Variants in VRK2 observed in about 807,000 individuals in gnomAD.
VRK2 encodes the protein VRK serine/threonine kinase 2.
A neutral mutation model predicts 57.6 loss-of-function variants in VRK2; 60 were observed. That is an observed-to-expected ratio of 1.04 (90% confidence interval 0.85 to 1.29). The LOEUF is 1.29. VRK2 is among the 50% of genes most tolerant of loss of function. The pLI is 0.00. For missense variants in VRK2, 705 were observed against 588.1 expected (o/e 1.20, Z -2.06); for synonymous variants, 231 against 199.2 (o/e 1.16, Z -1.35).
At chr2:57,937,390 TG>T (rs1670948791) in intron 1 of VRK2, among the ~76,000 whole-genome samples, 1 of 152,156 alleles carries the variant, frequency 6.6e-6, no homozygotes. Context: ...ACAAACAGAA[TG>T]AAACAAGAAA....
intron 1 of VRK2, among the ~76,000 whole-genome samples, chr2:57,977,860 G>C (rs1334562007): frequency 1.3e-5 from 2 of 151,108 alleles, no homozygotes; most frequent in African/African-American, 4.9e-5. Flanking sequence ...AGGTTTGTCA[G>C]AGATGGCTCT....
rs558145633 is a variant in VRK2, at chr2:58,116,576, C to G, written c.544-6525C>G. On this transcript the variant is annotated intron_variant, in intron 7 of 12. Coordinates refer to ENST00000340157, the MANE Select transcript of VRK2 (RefSeq NM_006296.7). Reference sequence around the variant, plus strand: ...AAGGTAATGTGGAGTGGGTAGCCTTCGTATTGATTAAGAAGGGGACGGACT... The same window carrying G: ...AAGGTAATGTGGAGTGGGTAGCCTTGGTATTGATTAAGAAGGGGACGGACT... Among the ~76,000 whole-genome samples the G allele has an allele frequency of 3.9e-5, 6 of 152,088 alleles. No individual in the cohort carries two copies. In the South Asian group the frequency reaches 8.3e-4, roughly 21 times the overall value.
At chr2:57,935,606 C>T (rs1670880108) in intron 1 of VRK2, among the ~76,000 whole-genome samples, 1 of 152,062 alleles carries the variant, frequency 6.6e-6, no homozygotes, top group Non-Finnish European at 1.5e-5. Context: ...GGGCCAGCTT[C>T]CTGGCAGAGT....
upstream of VRK2, among the ~76,000 whole-genome samples, chr2:58,044,968 T>C (rs1285371184): frequency 1.3e-5 from 2 of 152,188 alleles, no homozygotes; most frequent in African/African-American, 4.8e-5. Flanking sequence ...GGACAGCCTA[T>C]CTCTCAATCC....
chr2:57,960,489 AATTG>A (rs761997644), intron 1 of VRK2, among the ~76,000 whole-genome samples: 24 of 152,200 alleles, frequency 1.6e-4, no homozygotes, highest in Non-Finnish European at 2.8e-4. Context: ...CATTCACTTA[AATTG>A]ATTGTATCTA....
chr2:57,938,210 T>C (rs1447354380), intron 1 of VRK2, among the ~76,000 whole-genome samples: 1 of 152,230 alleles, frequency 6.6e-6, no homozygotes, highest in East Asian at 1.9e-4. Flanking sequence ...TTCTTTATCT[T>C]TCTCTAGACC....
intron 2 of VRK2, among the ~76,000 whole-genome samples, chr2:58,061,169 A>T (rs1322917826): frequency 6.6e-6 from 1 of 151,872 alleles, no homozygotes; most frequent in African/African-American, 2.4e-5. Context: ...AAATTGATGA[A>T]CTGTGGTTCA....
intron 12 of VRK2, among the ~76,000 whole-genome samples, chr2:58,148,922 A>C (rs998599109): frequency 6.6e-6 from 1 of 151,866 alleles, no homozygotes; most frequent in African/African-American, 2.4e-5. Flanking sequence ...TTCTGAAATT[A>C]GAATAGTTCT....
intron 1 of VRK2, among the ~76,000 whole-genome samples, chr2:57,985,365 T>C (rs999707732): frequency 6.6e-6 from 1 of 152,034 alleles, no homozygotes. Context: ...ACGTAAAGAT[T>C]TGACATATTT....
chr2:58,036,701 A>T (rs1245446177), intron 3 of VRK2, among the ~76,000 whole-genome samples: 1 of 152,012 alleles, frequency 6.6e-6, no homozygotes, highest in Non-Finnish European at 1.5e-5. Flanking sequence ...CATATATATC[A>T]CGCTATATTC....
chr2:57,924,740 G>A (rs1039989538), intron 1 of VRK2, among the ~76,000 whole-genome samples: 1 of 151,856 alleles, frequency 6.6e-6, no homozygotes, highest in Non-Finnish European at 1.5e-5. Flanking sequence ...CCAGTAATAC[G>A]TTGAATAACA....
intron 1 of VRK2, among the ~76,000 whole-genome samples, chr2:58,021,202 G>T (rs1027753806): frequency 3.3e-5 from 5 of 152,022 alleles, no homozygotes; most frequent in Non-Finnish European, 5.9e-5. Flanking sequence ...TATAATTACA[G>T]GAAATGCTAA....
intron 1 of VRK2, among the ~76,000 whole-genome samples, chr2:57,991,687 G>C (rs915467628): frequency 6.6e-6 from 1 of 151,712 alleles, no homozygotes; most frequent in Non-Finnish European, 1.5e-5. Context: ...GGTAGCTCAC[G>C]CCTGTAATCC....
intron 1 of VRK2, among the ~76,000 whole-genome samples, chr2:57,998,994 G>A (rs538179910): frequency 6.1e-4 from 92 of 151,574 alleles, no homozygotes; most frequent in Admixed American, 2.8e-3. Context: ...GAATTTTGTA[G>A]AATTGTGTGT....
intron 1 of VRK2, among the ~76,000 whole-genome samples, chr2:58,014,300 G>T (rs1673509058): frequency 6.6e-6 from 1 of 152,098 alleles, no homozygotes; most frequent in Non-Finnish European, 1.5e-5. Context: ...ATACTGTATG[G>T]TCAAAGATAA....
At chr2:58,116,705 GAGTC>G (rs1676558848) in intron 7 of VRK2, among the ~76,000 whole-genome samples, 4 of 152,164 alleles carry the variant, frequency 2.6e-5, no homozygotes, top group East Asian at 1.9e-4. Context: ...AGCCAAGAAG[GAGTC>G]AGTCAGAGAG....
intron 11 of VRK2, among the ~76,000 whole-genome samples, chr2:58,140,390 T>A (rs1681158621): frequency 6.6e-6 from 1 of 151,968 alleles, no homozygotes; most frequent in Non-Finnish European, 1.5e-5. Context: ...AAAAAAAAAT[T>A]AAGATTTCGA....
rs561159533 is a variant in VRK2 at position 57,974,131 on chromosome 2, A to T, written c.-438-51534A>T. ...GGAAAGATAACAGAAACAAGTTAAT[A>T]TTTTATTCTAAGCAAAATGGAAAGC... On this transcript the variant is annotated intron_variant, in intron 1 of 15. Transcript: ENST00000417641. Among the ~76,000 whole-genome samples, 7 of 152,116 alleles carry T rather than the reference A, an allele frequency of 4.6e-5. No individual in the cohort carries two copies. The South Asian group carries it at 1.0e-3, about 23-fold the overall frequency.
intron 7 of VRK2, among the ~76,000 whole-genome samples, chr2:58,099,828 G>A (rs1355636357): frequency 2.6e-5 from 4 of 152,024 alleles, no homozygotes; most frequent in Non-Finnish European, 5.9e-5. Flanking sequence ...CACTTAACCT[G>A]TATAGGTTTT....
Sources: allele counts gnomAD v4.1 joint callset (sites outside exome capture counted in the v4.1 genomes callset), GRCh38; gene constraint gnomAD v4.1.1; transcripts MANE v1.5; gene names NCBI Gene and HGNC (gene_info 2026-07-23, HGNC 2026-07-21).